LRFN5: variants seen among roughly 807,000 people sequenced by gnomAD.
LRFN5 encodes the protein leucine-rich repeat and fibronectin type-III domain-containing protein 5.
Under a neutral mutation model 45.6 loss-of-function variants are expected in LRFN5, and 24 were observed. That is an observed-to-expected ratio of 0.53 (90% CI 0.38 to 0.74). The LOEUF (loss-of-function observed/expected upper bound fraction) is 0.74. LRFN5 is among the 30% of genes least tolerant of loss of function. LRFN5 has a pLI of 0.00. For missense variants in LRFN5, 776 were observed against 861.5 expected (o/e 0.90, Z 1.24); for synonymous variants, 340 against 313.8 (o/e 1.08, Z -0.88).
intron 1 of LRFN5, among the ~76,000 whole-genome samples, chr14:41,745,301 C>A (rs1884876369): frequency 6.6e-6 from 1 of 151,974 alleles, no homozygotes; most frequent in Non-Finnish European, 1.5e-5. Flanking sequence ...GGTCAAAAAT[C>A]ACAAGGGAAA....
At chr14:41,706,826 G>T (rs1031230732) in intron 1 of LRFN5, among the ~76,000 whole-genome samples, 3 of 152,150 alleles carry the variant, frequency 2.0e-5, no homozygotes, top group Non-Finnish European at 4.4e-5. Flanking sequence ...AGAAAGATAA[G>T]TTTCTGTTAT....
intron 1 of LRFN5, among the ~76,000 whole-genome samples, chr14:41,650,266 C>CACACAAAAAA (rs1247683262): frequency 1.8e-4 from 25 of 135,528 alleles, no homozygotes; most frequent in African/African-American, 6.5e-4. Flanking sequence ...CACACACACA[C>CACACAAAAAA]AAAAAAAAAA....
chr14:41,814,576 G>T (rs2030585423), intron 2 of LRFN5, among the ~76,000 whole-genome samples: 1 of 151,942 alleles, frequency 6.6e-6, no homozygotes, highest in Non-Finnish European at 1.5e-5. Flanking sequence ...TAAACTGTTG[G>T]CCTTATTTCT....
chr14:41,769,093 CAG>C (rs1367762819), intron 2 of LRFN5, among the ~76,000 whole-genome samples: 1 of 146,002 alleles, frequency 6.8e-6, no homozygotes, highest in Non-Finnish European at 1.5e-5. Flanking sequence ...AAAAAAAAAA[CAG>C]AAAGTAAACA....
chr14:41,650,887 G>A (rs547938436), intron 1 of LRFN5, among the ~76,000 whole-genome samples: 1 of 104,370 alleles, frequency 9.6e-6, no homozygotes, highest in Non-Finnish European at 1.8e-5. Flanking sequence ...GACAGAGAAA[G>A]AGAGAGAGAG....
intron 1 of LRFN5, among the ~76,000 whole-genome samples, chr14:41,643,551 T>C (rs900324933): frequency 1.3e-5 from 2 of 152,154 alleles, no homozygotes; most frequent in Non-Finnish European, 2.9e-5. Flanking sequence ...AATCATTGGG[T>C]TGATTCAAGA....
intron 2 of LRFN5, among the ~76,000 whole-genome samples, chr14:41,840,172 G>A (rs1888810780): frequency 6.6e-6 from 1 of 152,068 alleles, no homozygotes; most frequent in African/African-American, 2.4e-5. Flanking sequence ...CCTAAAAGAT[G>A]TAGAAAAATT....
intron 1 of LRFN5, among the ~76,000 whole-genome samples, chr14:41,758,997 C>T (rs1424560630): frequency 1.3e-5 from 2 of 152,102 alleles, no homozygotes; most frequent in Non-Finnish European, 2.9e-5. Context: ...CTAGATGCTG[C>T]AGGGCATACA....
intron 1 of LRFN5, among the ~76,000 whole-genome samples, chr14:41,702,947 A>G (rs1197783521): frequency 6.6e-6 from 1 of 152,106 alleles, no homozygotes; most frequent in African/African-American, 2.4e-5. Flanking sequence ...TTTTACCTGT[A>G]TCTTTTAAAA....
At chr14:41,706,303 T>C (rs1883065787) in intron 1 of LRFN5, among the ~76,000 whole-genome samples, 1 of 152,160 alleles carries the variant, frequency 6.6e-6, no homozygotes, top group Non-Finnish European at 1.5e-5. Context: ...TTTCTCCATG[T>C]TGGCCAGGCT....
At chr14:41,608,745 A>G (rs777684110) in intron 1 of LRFN5, among the ~76,000 whole-genome samples, 183 bp downstream of exon 1, 8 of 152,340 alleles carry the variant, frequency 5.3e-5, no homozygotes, top group Middle Eastern at 3.4e-3. Flanking sequence ...ATATAAATCT[A>G]TACCTAAGCA....
chr14:41,856,677 T>TA (rs1555326983), intron 2 of LRFN5, among the ~76,000 whole-genome samples: 560 of 14,364 alleles, frequency 0.039, 23 homozygotes, highest in African/African-American at 0.068. Context: ...TTATTATTAT[T>TA]TTTTTTTTTT....
In LRFN5 at chr14:41,886,649, G is replaced by T; in HGVS notation, c.24G>T (p.Leu8=). The change falls in exon 3 of 6, where the codon CTG becomes CTT. Residue 8 remains leucine, a synonymous_variant. Coordinates refer to ENST00000298119, the MANE Select transcript of LRFN5 (RefSeq NM_152447.5). The part of the protein sequence containing the change: MEKILFY[L]FLIGIAVKAQ... ...CAATGGAAAAAATTCTTTTTTATCT[G>T]TTTCTCATTGGCATAGCAGTGAAAG... 1 of 1,585,482 alleles carries T rather than the reference G, an allele frequency of 6.3e-7. No homozygotes were observed. The highest frequency in any genetic ancestry group is 1.9e-5 in the Admixed American group (1 of 51,856).
intron 1 of LRFN5, among the ~76,000 whole-genome samples, chr14:41,743,201 T>C (rs1466482846): frequency 6.6e-6 from 1 of 152,222 alleles, no homozygotes; most frequent in Non-Finnish European, 1.5e-5. Context: ...TTGTGCATTT[T>C]TTTATAAGGC....
At chr14:41,736,231 T>C (rs1884424662) in intron 1 of LRFN5, among the ~76,000 whole-genome samples, 1 of 152,102 alleles carries the variant, frequency 6.6e-6, no homozygotes, top group Admixed American at 6.6e-5. Flanking sequence ...AACAGTGTAA[T>C]AGCGTTACTA....
At chr14:41,691,280 A>T (rs895677438) in intron 1 of LRFN5, among the ~76,000 whole-genome samples, 7 of 152,010 alleles carry the variant, frequency 4.6e-5, no homozygotes, top group Non-Finnish European at 1.0e-4. Flanking sequence ...ATTAATTTAC[A>T]TCTATTCCTT....
At chr14:41,845,900 C>A (rs1452468850) in intron 2 of LRFN5, among the ~76,000 whole-genome samples, 1 of 152,150 alleles carries the variant, frequency 6.6e-6, no homozygotes, top group Non-Finnish European at 1.5e-5. Flanking sequence ...GGGACATTTT[C>A]CCTGCATTCC....
chr14:41,893,421 T>C (rs1293357636), intron 4 of LRFN5: 1 of 985,116 alleles, frequency 1.0e-6, no homozygotes, highest in Admixed American at 6.2e-5. Flanking sequence ...AAGGCTCACC[T>C]GAGAACTGAC....
At chr14:41,826,526 C>T (rs1888300908) in intron 2 of LRFN5, among the ~76,000 whole-genome samples, 1 of 152,166 alleles carries the variant, frequency 6.6e-6, no homozygotes, top group Non-Finnish European at 1.5e-5. Flanking sequence ...AGTTTCACCA[C>T]CTACCTAGGG....
Sources: allele counts gnomAD v4.1 joint callset (sites outside exome capture counted in the v4.1 genomes callset), GRCh38; gene constraint gnomAD v4.1.1; transcripts MANE v1.5; gene names NCBI Gene and HGNC (gene_info 2026-07-23, HGNC 2026-07-21).